FLT1: variants seen among roughly 807,000 people sequenced by gnomAD.
FLT1 encodes the protein fms related receptor tyrosine kinase 1, also known as vascular endothelial growth factor receptor 1.
Under a neutral mutation model 156.3 loss-of-function variants are expected in FLT1, and 49 were observed. That is an observed-to-expected ratio of 0.31 (90% CI 0.25 to 0.40). The LOEUF (loss-of-function observed/expected upper bound fraction) is 0.40. Among genes scored for constraint, FLT1 ranks in the 10% least tolerant of loss-of-function variants. The pLI is 1.00. For synonymous variants in FLT1, 594 were observed against 583.8 expected (o/e 1.02, Z -0.25); for missense variants, 1,322 against 1,637.2 (o/e 0.81, Z 3.32).
At chr13:28,398,189 C>T (rs1442749749) in intron 11 of FLT1, among the ~76,000 whole-genome samples, 2 of 152,178 alleles carry the variant, frequency 1.3e-5, no homozygotes, top group African/African-American at 4.8e-5. Flanking sequence ...AGTCCAGTTA[C>T]TTATAAATCT....
intron 3 of FLT1, among the ~76,000 whole-genome samples, chr13:28,450,842 C>T (rs906656440): frequency 1.3e-5 from 2 of 152,196 alleles, no homozygotes; most frequent in Admixed American, 6.5e-5. Flanking sequence ...ACTGAATTTA[C>T]GCTTCCTGAT....
At chr13:28,357,731 A>G in intron 14 of FLT1, 46 bp from the exon 15 acceptor site, 5 of 1,572,674 alleles carry the variant, frequency 3.2e-6, no homozygotes, top group Non-Finnish European at 3.5e-6. Flanking sequence ...GATGACAAAC[A>G]AAAAACAGCT....
intron 10 of FLT1, among the ~76,000 whole-genome samples, chr13:28,418,734 T>C (rs1276622463): frequency 6.6e-6 from 1 of 152,082 alleles, no homozygotes; most frequent in Admixed American, 6.5e-5. Flanking sequence ...CAGCTAATTT[T>C]TTTTATTTTT....
intron 7 of FLT1, among the ~76,000 whole-genome samples, chr13:28,430,676 A>G (rs1877627166): frequency 6.6e-6 from 1 of 152,228 alleles, no homozygotes; most frequent in Non-Finnish European, 1.5e-5. Flanking sequence ...TAGAATTTGC[A>G]TACTGAAATT....
intron 18 of FLT1, among the ~76,000 whole-genome samples, chr13:28,330,816 C>T (rs549136641): frequency 8.6e-5 from 13 of 152,022 alleles, no homozygotes; most frequent in East Asian, 1.9e-4. Context: ...TGGGTTCAAG[C>T]GATTCTCATG....
Position 28,430,133 on chromosome 13 carries a change from C to T in FLT1, c.1023G>A (p.Gln341=), listed in dbSNP as rs766260449. The change falls in exon 8 of 30, where the codon CAG becomes CAA. Residue 341 remains glutamine, a synonymous_variant. Coordinates refer to ENST00000282397, the MANE Select transcript of FLT1 (RefSeq NM_002019.4). ...KAFITVKHRK[Q]QVLETVAGKR... ...TGCCAGCTACGGTTTCAAGCACCTGCTGTTTTCGATGTTTCACAGTGATGA... is the reference window on the plus strand; with the variant it reads ...TGCCAGCTACGGTTTCAAGCACCTGTTGTTTTCGATGTTTCACAGTGATGA... 1.9e-6 allele frequency: 3 copies of T among 1,613,708 alleles called. No individual in the cohort carries two copies. The highest frequency in any genetic ancestry group is 1.1e-5 in the South Asian group (1 of 91,078).
At chr13:28,342,398 T>C (rs1331537249) in intron 16 of FLT1, among the ~76,000 whole-genome samples, 1 of 152,192 alleles carries the variant, frequency 6.6e-6, no homozygotes, top group Non-Finnish European at 1.5e-5. Flanking sequence ...CCTTGCAGAT[T>C]TGGCAAGTTT....
intron 3 of FLT1, among the ~76,000 whole-genome samples, chr13:28,465,106 G>T (rs780411512): frequency 1.3e-5 from 2 of 152,118 alleles, no homozygotes; most frequent in African/African-American, 4.8e-5. Context: ...CAAGCGTGTT[G>T]TCTTTCCCCC....
chr13:28,485,623 G>T (rs905168610), intron 1 of FLT1, among the ~76,000 whole-genome samples: 2 of 152,288 alleles, frequency 1.3e-5, no homozygotes, highest in East Asian at 3.9e-4. Flanking sequence ...CAATGGTGTG[G>T]TCCATTGTGA....
In FLT1 at chr13:28,302,351, T is replaced by G. The variant is rs1398240420; in HGVS notation, c.*816A>C. On this transcript the variant is annotated 3_prime_UTR_variant, in exon 30 of 30. Coordinates refer to ENST00000282397, the MANE Select transcript of FLT1 (RefSeq NM_002019.4). ...CATCTTACTAGAGGAGCCAAAAGTA[T>G]GGGCTCAGAGTTGAGTGCCACCCTC... The G allele has an allele frequency of 8.6e-6, 2 of 233,224 alleles. No homozygotes were observed. Among genetic ancestry groups the G allele is most frequent in the Non-Finnish European group, 1.7e-5 (2 of 118,068 alleles). 14.4% of individuals were successfully genotyped at this position (233,224 alleles called of 1,614,324 possible).
rs539927939 is a variant in FLT1 at position 28,405,946 on chromosome 13, A to G, written c.1437-52T>C. 49 of 905,992 alleles carry G rather than the reference A, an allele frequency of 5.4e-5. No homozygotes were observed. In the African/African-American group the frequency reaches 5.7e-4, roughly 11 times the overall value. 56.1% of individuals were successfully genotyped at this position (905,992 alleles called of 1,614,324 possible). On this transcript the variant is annotated intron_variant, in intron 10 of 29. Transcript: ENST00000282397. ...GTGGCTTTACAGCATGGTTCAGTCA[A>G]TGGGGACAGGTGAAATGAAAACTTG...
chr13:28,322,751 A>G lies in FLT1; in HGVS notation c.2953+39T>C. 6.2e-7 allele frequency: 1 copy of G among 1,602,616 alleles called. No individual in the cohort carries two copies. Among genetic ancestry groups the G allele is most frequent in the Non-Finnish European group, 8.5e-7 (1 of 1,170,948 alleles). ...CAGAGATGCATAGTATGTTGTAAAA[A>G]TATCTCAGCGCGTAGGACAGGAAGG... On this transcript the variant is annotated intron_variant, in intron 21 of 29. Coordinates refer to ENST00000282397, the MANE Select transcript of FLT1 (RefSeq NM_002019.4). This position sits in a 1 kb window ranked among gnomAD's most constrained non-coding sequence, Gnocchi z 4.3.
intron 10 of FLT1, among the ~76,000 whole-genome samples, chr13:28,406,776 G>C (rs1458823179): frequency 6.6e-6 from 1 of 152,066 alleles, no homozygotes; most frequent in Non-Finnish European, 1.5e-5. Flanking sequence ...CTGTAGCTGG[G>C]ATTATAGGCT....
At chr13:28,477,525 C>T (rs1211908286) in intron 1 of FLT1, among the ~76,000 whole-genome samples, 1 of 152,210 alleles carries the variant, frequency 6.6e-6, no homozygotes, top group Non-Finnish European at 1.5e-5. Flanking sequence ...ATCTGGTTGA[C>T]AGGGCACGAG....
chr13:28,434,208 T>C lies in FLT1; in HGVS notation c.526A>G (p.Thr176Ala). 17 of 1,614,092 alleles carry C rather than the reference T, an allele frequency of 1.1e-5. 1 individual carries two copies. Among genetic ancestry groups the C allele is most frequent in the Non-Finnish European group, 1.4e-5 (17 of 1,179,996 alleles). ...ATGCGTTTTCCATCAGGGATCAAAG[T>C]GTCAAGTGGAAACTGAAAAGGAAGA... ...TVTLKKFPLDTLIPDGKRIIW... is the reference protein window; with the variant it reads ...TVTLKKFPLDALIPDGKRIIW... Residue 176 changes from threonine (T) to alanine (A), a missense_variant, in exon 5 of 30, where the codon ACT becomes GCT. Coordinates refer to ENST00000282397, the MANE Select transcript of FLT1 (RefSeq NM_002019.4).
intron 3 of FLT1, among the ~76,000 whole-genome samples, chr13:28,446,845 C>A (rs1380411472): frequency 6.6e-6 from 1 of 152,140 alleles, no homozygotes. Flanking sequence ...ACAAAACAAT[C>A]TTGAAAAGCA....
intron 7 of FLT1, 38 bp from the exon 8 acceptor site, chr13:28,430,205 T>C (rs368614902): frequency 1.9e-5 from 28 of 1,457,562 alleles, no homozygotes; most frequent in Non-Finnish European, 2.2e-5. Context: ...TAGAAAAGAA[T>C]AATTTCCATA....
intron 14 of FLT1, among the ~76,000 whole-genome samples, chr13:28,378,301 C>G (rs780154595): frequency 6.6e-6 from 1 of 152,174 alleles, no homozygotes; most frequent in Non-Finnish European, 1.5e-5. Flanking sequence ...CCTGCCTCAG[C>G]CTCCCAAAGT....
At chr13:28,314,090 C>T (rs995545637) in intron 25 of FLT1, among the ~76,000 whole-genome samples, 2 of 152,108 alleles carry the variant, frequency 1.3e-5, no homozygotes, top group African/African-American at 4.8e-5. Flanking sequence ...CCCTGTAGTA[C>T]AGGAGGCTGA....
Sources: allele counts gnomAD v4.1 joint callset (sites outside exome capture counted in the v4.1 genomes callset), GRCh38; gene constraint gnomAD v4.1.1; non-coding constraint Gnocchi (gnomAD v3.1); transcripts MANE v1.5; gene names NCBI Gene and HGNC (gene_info 2026-07-23, HGNC 2026-07-21).